The following RIMS2 variants were observed in gnomAD, a reference collection of about 807,000 sequenced individuals.
RIMS2 encodes the protein regulating synaptic membrane exocytosis protein 2.
A neutral mutation model predicts 174.4 loss-of-function variants in RIMS2; 59 were observed. That is an observed-to-expected ratio of 0.34 (90% CI 0.27 to 0.42). The LOEUF is 0.42. Ranked by LOEUF, RIMS2 falls within the 10% of genes least tolerant of loss-of-function variation. RIMS2 has a pLI of 1.00. For missense variants in RIMS2, 1,620 were observed against 1,666.3 expected (o/e 0.97, Z 0.48); for synonymous variants, 606 against 572.5 (o/e 1.06, Z -0.84).
At chr8:103,679,695 G>T (rs1349972318) in intron 1 of RIMS2, among the ~76,000 whole-genome samples, 1 of 151,848 alleles carries the variant, frequency 6.6e-6, no homozygotes, top group Non-Finnish European at 1.5e-5. Flanking sequence ...GGGAGACTTT[G>T]ATATAGAAGA....
intron 14 of RIMS2, among the ~76,000 whole-genome samples, chr8:103,959,377 A>G (rs139872088): frequency 3.3e-5 from 5 of 151,760 alleles, no homozygotes; most frequent in African/African-American, 9.7e-5. Context: ...TTTAATCTCT[A>G]TTGTTTTAGT....
intron 19 of RIMS2, among the ~76,000 whole-genome samples, chr8:104,055,154 TTGTC>T (rs1433748866): frequency 1.3e-5 from 2 of 152,126 alleles, no homozygotes; most frequent in African/African-American, 4.8e-5. Context: ...GTGTGCCTCT[TTGTC>T]TGCCTGACAT....
intron 1 of RIMS2, among the ~76,000 whole-genome samples, chr8:103,558,544 T>A (rs1375793832): frequency 1.3e-5 from 2 of 152,202 alleles, no homozygotes; most frequent in Non-Finnish European, 2.9e-5. Context: ...ATCTTTGGCC[T>A]TTTTAACCAT....
At position 104,140,099 on chromosome 8, in the gene RIMS2, G is replaced by A. The variant is rs573980234; in HGVS notation, c.3335-104817G>A. Reference sequence around the variant, plus strand: ...ACATATGTTGAACCATCTTCGCATCGCTAGGATCAATCCCACTTGGTCATG... The same window carrying A: ...ACATATGTTGAACCATCTTCGCATCACTAGGATCAATCCCACTTGGTCATG... On this transcript the variant is annotated intron_variant, in intron 19 of 23. Transcript: ENST00000504942. Among the ~76,000 whole-genome samples, 12 of 152,028 alleles carry A rather than the reference G, an allele frequency of 7.9e-5. 1 individual carries two copies. The highest frequency in any genetic ancestry group is 1.7e-4 in the African/African-American group (7 of 41,394).
chr8:104,049,052 G>A (rs956158636), intron 19 of RIMS2, among the ~76,000 whole-genome samples: 2 of 151,362 alleles, frequency 1.3e-5, no homozygotes, highest in African/African-American at 4.9e-5. Context: ...ACTGGGCATC[G>A]GACTATAGCT....
intron 2 of RIMS2, among the ~76,000 whole-genome samples, chr8:103,749,913 A>G (rs778071310): frequency 6.6e-6 from 1 of 152,178 alleles, no homozygotes. Context: ...GATTATTATC[A>G]GAATAGGTGA....
intron 19 of RIMS2, among the ~76,000 whole-genome samples, chr8:104,135,087 T>C (rs1237068605): frequency 2.6e-5 from 4 of 152,158 alleles, no homozygotes; most frequent in African/African-American, 9.7e-5. Flanking sequence ...ATGTATATGG[T>C]ATAAGGGAAT....
At chr8:103,828,102 A>C (rs974017748) in intron 3 of RIMS2, among the ~76,000 whole-genome samples, 5 of 150,446 alleles carry the variant, frequency 3.3e-5, no homozygotes, top group African/African-American at 1.2e-4. Context: ...ATTTTCTGTG[A>C]TTTTGATAAG....
chr8:104,181,526 A>G (rs2098939553), intron 19 of RIMS2, among the ~76,000 whole-genome samples: 1 of 151,612 alleles, frequency 6.6e-6, no homozygotes. Context: ...TGTACTACTG[A>G]GTCCATTAAA....
At chr8:103,803,772 C>T (rs2098631439) in intron 3 of RIMS2, among the ~76,000 whole-genome samples, 2 of 152,112 alleles carry the variant, frequency 1.3e-5, no homozygotes, top group Non-Finnish European at 2.9e-5. Context: ...TGTGAGAGAG[C>T]CATGTGTCAG....
chr8:103,552,222 G>A (rs759191395), intron 1 of RIMS2, among the ~76,000 whole-genome samples: 4 of 151,970 alleles, frequency 2.6e-5, no homozygotes, highest in Non-Finnish European at 4.4e-5. Flanking sequence ...CTACAGTAAC[G>A]AAAACAGCAT....
intron 3 of RIMS2, among the ~76,000 whole-genome samples, chr8:103,807,009 G>A (rs1353734494): frequency 2.0e-5 from 3 of 152,140 alleles, no homozygotes; most frequent in Non-Finnish European, 4.4e-5. Flanking sequence ...CAAATTGACA[G>A]ATGGTTAAAT....
chr8:104,240,195 T>G (rs1320565333), intron 19 of RIMS2, among the ~76,000 whole-genome samples: 4 of 152,206 alleles, frequency 2.6e-5, no homozygotes, highest in African/African-American at 9.7e-5. Context: ...GCACCCTATC[T>G]TTAGGTCAAC....
intron 15 of RIMS2, among the ~76,000 whole-genome samples, chr8:103,963,644 A>G (rs747265871): frequency 5.3e-5 from 8 of 152,116 alleles, no homozygotes; most frequent in Admixed American, 2.6e-4. Context: ...CTCTCCCATT[A>G]TCAACCTCCT....
intron 19 of RIMS2, among the ~76,000 whole-genome samples, chr8:104,127,366 T>A (rs1005568042): frequency 1.3e-5 from 2 of 152,110 alleles, no homozygotes; most frequent in African/African-American, 4.8e-5. Context: ...ATCTCTTGAG[T>A]CTTACCCATC....
chr8:103,554,669 C>T (rs1299583312), intron 1 of RIMS2, among the ~76,000 whole-genome samples: 1 of 152,116 alleles, frequency 6.6e-6, no homozygotes, highest in Non-Finnish European at 1.5e-5. Flanking sequence ...TTCGACCCAG[C>T]AATCCTATTA....
chr8:103,583,379 A>T (rs2093724728), intron 1 of RIMS2, among the ~76,000 whole-genome samples: 1 of 152,210 alleles, frequency 6.6e-6, no homozygotes, highest in African/African-American at 2.4e-5. Flanking sequence ...GTGCCTAGAC[A>T]CTGAAGAAGA....
At chr8:104,171,637 G>A (rs1295312169) in intron 19 of RIMS2, among the ~76,000 whole-genome samples, 1 of 151,706 alleles carries the variant, frequency 6.6e-6, no homozygotes, top group African/African-American at 2.4e-5. Context: ...TTTTTATCTG[G>A]CATTTCAGAG....
intron 19 of RIMS2, among the ~76,000 whole-genome samples, chr8:104,077,807 C>G (rs1005521860): frequency 1.3e-5 from 2 of 151,128 alleles, no homozygotes; most frequent in African/African-American, 4.9e-5. Flanking sequence ...AAATTCTCAT[C>G]TATTTCTTGT....
Sources: gnomAD v4.1 joint callset for allele counts (sites outside exome capture counted in the v4.1 genomes callset) on GRCh38, gnomAD v4.1.1 for gene constraint, MANE v1.5 for transcripts, NCBI Gene and HGNC (gene_info 2026-07-23, HGNC 2026-07-21) for gene names.